The following CTTNBP2NL variants were observed in gnomAD, a reference collection of about 807,000 sequenced individuals.
CTTNBP2NL encodes the protein CTTNBP2 N-terminal like.
A neutral mutation model predicts 32.5 loss-of-function variants in CTTNBP2NL; 16 were observed. The ratio of observed to expected loss-of-function variants is 0.49; its 90% CI spans 0.33 to 0.75. The LOEUF (loss-of-function observed/expected upper bound fraction) is 0.75, where lower values mean the gene tolerates loss of function less well. Among genes scored for constraint, CTTNBP2NL ranks in the 30% least tolerant of loss-of-function variants. The pLI is 0.02. For synonymous variants in CTTNBP2NL, 298 were observed against 289.4 expected (o/e 1.03, Z -0.30); for missense variants, 645 against 756.0 (o/e 0.85, Z 1.72).
chr1:112,429,024 C>T (rs1327058815), intron 3 of CTTNBP2NL, among the ~76,000 whole-genome samples: 2 of 152,120 alleles, frequency 1.3e-5, no homozygotes, highest in Non-Finnish European at 2.9e-5. Context: ...GAATCAGAAG[C>T]TATTCCCAAA....
rs756820311 is a variant in CTTNBP2NL, at chr1:112,457,140, C to T, written c.1648C>T (p.Pro550Ser). ...ANPRGDTSHS[P>S]TPGKVSSPLS... ...TCCAAGAGGTGACACAAGCCATTCA[C>T]CTACTCCAGGGAAAGTGTCCAGTCC... Residue 550 changes from proline to serine, a missense_variant, in exon 6 of 6, where the codon CCT (proline) becomes TCT (serine). Physicochemically the swap from Pro to Ser is moderately conservative, Grantham distance 74. Transcript: ENST00000271277. The T allele has an allele frequency of 2.5e-6, 4 of 1,614,066 alleles. No individual in the cohort carries two copies. In the African/African-American group the frequency reaches 4.0e-5, roughly 16 times the overall value.
chr1:112,409,954 C>G (rs920298452), intron 1 of CTTNBP2NL, among the ~76,000 whole-genome samples: 1 of 152,162 alleles, frequency 6.6e-6, no homozygotes. Context: ...CCCATAACTT[C>G]TGACTGTTGG....
chr1:112,394,971 C>T (rs1648276499), upstream of CTTNBP2NL, among the ~76,000 whole-genome samples: 1 of 152,180 alleles, frequency 6.6e-6, no homozygotes, highest in Non-Finnish European at 1.5e-5. Flanking sequence ...AATGAAAGTA[C>T]ATGGCACAGT....
chr1:112,411,415 AATTTAAC>A (rs1648859619), intron 1 of CTTNBP2NL, among the ~76,000 whole-genome samples: 2 of 152,218 alleles, frequency 1.3e-5, no homozygotes. Flanking sequence ...AATTACATAT[AATTTAAC>A]ATTTAACATC....
intron 3 of CTTNBP2NL, among the ~76,000 whole-genome samples, chr1:112,448,053 C>T (rs1409870838): frequency 1.3e-5 from 2 of 152,188 alleles, no homozygotes; most frequent in African/African-American, 4.8e-5. Flanking sequence ...GAATATCTTT[C>T]CACCCACTTC....
Position 112,416,203 on chromosome 1 carries a change from C to T in CTTNBP2NL, c.38C>T (p.Thr13Ile), listed in dbSNP as rs1482842079. The T allele has an allele frequency of 2.5e-6, 4 of 1,608,614 alleles. No homozygotes were observed. The South Asian group carries it at 3.3e-5, about 13-fold the overall frequency. ...AAACTCAGCAAGCCTGAACTCCTGA[C>T]ACTATTTAGTATTCTTGAAGGAGAG... Reference protein sequence around the residue: ...LEKLSKPELLTLFSILEGELE... With the variant: ...LEKLSKPELLILFSILEGELE... Residue 13 changes from threonine (T) to isoleucine (I), a missense_variant, in exon 3 of 6, where the codon ACA becomes ATA. By Grantham distance (89) the Thr-to-Ile change is moderately conservative (BLOSUM62 -1). Coordinates refer to ENST00000271277, the MANE Select transcript of CTTNBP2NL (RefSeq NM_018704.3).
chr1:112,408,603 G>C (rs1646912624), intron 1 of CTTNBP2NL, among the ~76,000 whole-genome samples: 1 of 151,868 alleles, frequency 6.6e-6, no homozygotes, highest in African/African-American at 2.4e-5. Context: ...CTGAAGCTTT[G>C]AATGCATTTT....
chr1:112,405,704 A>G (rs772305154), intron 1 of CTTNBP2NL, among the ~76,000 whole-genome samples: 6 of 152,234 alleles, frequency 3.9e-5, no homozygotes, highest in Non-Finnish European at 7.3e-5. Context: ...TTCAATATAC[A>G]TATAAATCTT....
intron 3 of CTTNBP2NL, among the ~76,000 whole-genome samples, chr1:112,436,071 CTTT>C (rs369855117): frequency 8.4e-6 from 1 of 118,844 alleles, no homozygotes; most frequent in South Asian, 2.7e-4. Flanking sequence ...TTGAGATTTG[CTTT>C]TTTTTTTGTC....
chr1:112,452,343 T>C (rs1485209774), intron 4 of CTTNBP2NL, among the ~76,000 whole-genome samples: 18 of 143,124 alleles, frequency 1.3e-4, no homozygotes, highest in African/African-American at 4.8e-4. Context: ...TTCTTTTTTT[T>C]TTTTTTTTTT....
chr1:112,454,454 C>T lies in CTTNBP2NL; in HGVS notation c.336C>T (p.Ile112=). Residue 112 remains isoleucine, a synonymous_variant, in exon 5 of 6, where the codon ATC becomes ATT. Transcript: ENST00000271277. The stretch of plus-strand genomic sequence containing the variant: ...ATTTAAAAAATTCTTTAAAGGTGAT[C>T]CTAGACCTTGAGGAAGAAAGGCAGC... ...AAAESRHRKV[I]LDLEEERQRH... is the part of the protein sequence containing the mutation. The T allele has an allele frequency of 6.2e-7, 1 of 1,612,494 alleles. No individual in the cohort carries two copies. The highest frequency in any genetic ancestry group is 8.5e-7 in the Non-Finnish European group (1 of 1,178,674).
At chr1:112,401,214 A>G (rs1648489493) in intron 1 of CTTNBP2NL, among the ~76,000 whole-genome samples, 2 of 152,326 alleles carry the variant, frequency 1.3e-5, no homozygotes, top group East Asian at 1.9e-4. Flanking sequence ...TTTTCAACAT[A>G]TGACTAAGTC....
rs970621697 is a variant in CTTNBP2NL, at chr1:112,459,756, G to C, written c.*2344G>C. The C allele has an allele frequency of 2.0e-5, 3 of 152,142 alleles. No homozygotes were observed. The highest frequency in any genetic ancestry group is 4.4e-5 in the Non-Finnish European group (3 of 68,016). The allele number at this position is 152,142 out of a possible 1,614,324, so 9.4% of individuals were successfully genotyped here. On this transcript the variant is annotated 3_prime_UTR_variant, in exon 6 of 6. Transcript: ENST00000271277. ...GTGCCAGAGAGTTATTGTCTCTTTT[G>C]CTTTAAATGGTAATCTTAAAAGTTG...
intron 3 of CTTNBP2NL, among the ~76,000 whole-genome samples, chr1:112,431,960 A>G (rs536924665): frequency 1.3e-5 from 2 of 152,190 alleles, no homozygotes; most frequent in Admixed American, 1.3e-4. Flanking sequence ...CTTAAATTAG[A>G]AAAAGAAATG....
intron 3 of CTTNBP2NL, among the ~76,000 whole-genome samples, chr1:112,441,764 A>AT (rs1202285874): frequency 6.6e-6 from 1 of 151,948 alleles, no homozygotes; most frequent in African/African-American, 2.4e-5. Flanking sequence ...GTATCTTTTT[A>AT]TTTTTTTAAC....
At chr1:112,433,875 T>C (rs1649646699) in intron 3 of CTTNBP2NL, among the ~76,000 whole-genome samples, 1 of 151,878 alleles carries the variant, frequency 6.6e-6, no homozygotes, top group African/African-American at 2.4e-5. Context: ...CTCCATAATA[T>C]ACACTTATTT....
chr1:112,458,979 C>T lies in CTTNBP2NL; in HGVS notation c.*1567C>T, dbSNP rs1650464640. The T allele has an allele frequency of 6.6e-6, 1 of 152,202 alleles. No individual in the cohort carries two copies. The highest frequency in any genetic ancestry group is 1.5e-5 in the Non-Finnish European group (1 of 68,044). The allele number at this position is 152,202 out of a possible 1,614,324, so 9.4% of individuals were successfully genotyped here. A position where few individuals can be genotyped will look rare whatever the true frequency, so the allele number is the denominator to read the frequency against. Reference sequence around the variant, plus strand: ...GCATTTAAAAAGGGCATCTGTTCAGCTCCATCTGCTTGCTGCGGTGCAAGA... The same window carrying T: ...GCATTTAAAAAGGGCATCTGTTCAGTTCCATCTGCTTGCTGCGGTGCAAGA... On this transcript the variant is annotated 3_prime_UTR_variant, in exon 6 of 6. Transcript: ENST00000271277.
At chr1:112,403,066 TTACTG>T (rs1648551965) in intron 1 of CTTNBP2NL, among the ~76,000 whole-genome samples, 1 of 152,198 alleles carries the variant, frequency 6.6e-6, no homozygotes, top group Non-Finnish European at 1.5e-5. Flanking sequence ...AATCCGTCAT[TTACTG>T]TAAGTAAATT....
At chr1:112,436,368 T>C (rs1557893345) in intron 3 of CTTNBP2NL, among the ~76,000 whole-genome samples, 1 of 152,204 alleles carries the variant, frequency 6.6e-6, no homozygotes, top group Non-Finnish European at 1.5e-5. Context: ...GGGATTAAAA[T>C]GGAAAAGAGG....
Sources: allele counts gnomAD v4.1 joint callset (sites outside exome capture counted in the v4.1 genomes callset), GRCh38; gene constraint gnomAD v4.1.1; transcripts MANE v1.5; gene names NCBI Gene and HGNC (gene_info 2026-07-23, HGNC 2026-07-21).